Variants in CCDC91 observed in about 807,000 individuals in gnomAD.
The protein encoded by CCDC91 is coiled-coil domain-containing protein 91.
In CCDC91, 48 loss-of-function variants were observed where a neutral mutation model predicts 63.2. The observed-to-expected ratio is 0.76, with a 90% CI of 0.60 to 0.97. The LOEUF is 0.97. Among genes scored for constraint, CCDC91 ranks in the 50% least tolerant of loss-of-function variants. CCDC91 has a pLI of 0.00. For missense variants in CCDC91, 500 were observed against 494.6 expected (o/e 1.01, Z -0.10); for synonymous variants, 167 against 165.8 (o/e 1.01, Z -0.06).
At chr12:28,498,022 A>G (rs1314581997) in intron 12 of CCDC91, among the ~76,000 whole-genome samples, 1 of 151,598 alleles carries the variant, frequency 6.6e-6, no homozygotes, top group East Asian at 1.9e-4. Context: ...AACTAAACAA[A>G]CATGCCCTCT....
Position 28,486,010 on chromosome 12 carries a change from C to T in CCDC91, c.1215+1845C>T, listed in dbSNP as rs545756059. ...GTAAGAACACTTAACATGAGTTCTT[C>T]CTCTTAAAATTTTAAGTCTATAATA... On this transcript the variant is annotated intron_variant, in intron 12 of 12. Coordinates refer to ENST00000536442, the MANE Select transcript of CCDC91 (RefSeq NM_018318.5). Among the ~76,000 whole-genome samples, 9 of 152,172 alleles carry T rather than the reference C, an allele frequency of 5.9e-5. 1 individual carries two copies. The South Asian group carries it at 1.2e-3, about 21-fold the overall frequency.
intron 6 of CCDC91, among the ~76,000 whole-genome samples, chr12:28,353,791 G>A (rs1408418446): frequency 6.6e-6 from 1 of 152,066 alleles, no homozygotes; most frequent in African/African-American, 2.4e-5. Flanking sequence ...TTGAAATATT[G>A]TTACAATTAC....
At chr12:28,209,167 C>T (rs1020008898) in intron 1 of CCDC91, among the ~76,000 whole-genome samples, 1 of 152,102 alleles carries the variant, frequency 6.6e-6, no homozygotes, top group Non-Finnish European at 1.5e-5. Context: ...TTCACCCTTG[C>T]ATTAGTCTAC....
At chr12:28,304,751 G>T (rs1361986019) in intron 3 of CCDC91, 1 of 734,408 alleles carries the variant, frequency 1.4e-6, no homozygotes, top group African/African-American at 1.9e-5. Context: ...TAAATGGGCT[G>T]CACCAAAAAG....
At chr12:28,499,128 T>C (rs1382076250) in intron 12 of CCDC91, among the ~76,000 whole-genome samples, 1 of 151,630 alleles carries the variant, frequency 6.6e-6, no homozygotes, top group Non-Finnish European at 1.5e-5. Flanking sequence ...CTTGAGTTAT[T>C]TCAAGTCTTC....
chr12:28,275,155 C>T (rs1408404390), intron 3 of CCDC91, among the ~76,000 whole-genome samples: 1 of 151,892 alleles, frequency 6.6e-6, no homozygotes, highest in Non-Finnish European at 1.5e-5. Flanking sequence ...CACAAAAAAC[C>T]CTTCAAAAAA....
intron 1 of CCDC91, chr12:28,225,750 C>T (rs1024234450): frequency 3.3e-5 from 5 of 152,360 alleles, no homozygotes; most frequent in African/African-American, 1.2e-4. Flanking sequence ...AACCACCACG[C>T]CCAGCCTCCC....
At chr12:28,225,221 T>C (rs746606072) in intron 1 of CCDC91, among the ~76,000 whole-genome samples, 4 of 152,198 alleles carry the variant, frequency 2.6e-5, no homozygotes, top group South Asian at 4.1e-4. Context: ...AGAAAACTTA[T>C]AAATTCTTGT....
At chr12:28,440,381 C>T (rs73085949) in intron 8 of CCDC91, among the ~76,000 whole-genome samples, 7,358 of 152,140 alleles carry the variant, frequency 0.048, 230 homozygotes, top group Non-Finnish European at 0.074. Flanking sequence ...TAACCCAGTT[C>T]GTATACAAAC....
In CCDC91 at chr12:28,549,315, A is replaced by G. The variant is rs888657848; in HGVS notation, c.*142A>G. 27 of 524,398 alleles carry G rather than the reference A, an allele frequency of 5.1e-5. No homozygotes were observed. Among genetic ancestry groups the G allele is most frequent in the Non-Finnish European group, 7.7e-5 (22 of 286,512 alleles). The allele number at this position is 524,398 out of a possible 1,614,324, so 32.5% of individuals were successfully genotyped here. On this transcript the variant is annotated 3_prime_UTR_variant, in exon 13 of 13. Coordinates refer to ENST00000536442, the MANE Select transcript of CCDC91 (RefSeq NM_018318.5). ...CAGTTCAAGGATAAACCAAAACAAT[A>G]TTTAGAACTATCAAGTGATCTAATT...
At chr12:28,202,203 C>G (rs1359741629) in intron 1 of CCDC91, among the ~76,000 whole-genome samples, 2 of 152,124 alleles carry the variant, frequency 1.3e-5, no homozygotes, top group Non-Finnish European at 2.9e-5. Flanking sequence ...GAAACTGTAT[C>G]TAAGAAAATA....
chr12:28,287,866 C>A (rs1949005984), intron 3 of CCDC91, among the ~76,000 whole-genome samples: 1 of 152,088 alleles, frequency 6.6e-6, no homozygotes, highest in Non-Finnish European at 1.5e-5. Flanking sequence ...TTTGTGTTAT[C>A]TCTGATTTCT....
intron 8 of CCDC91, among the ~76,000 whole-genome samples, chr12:28,418,559 A>G (rs2139860094): frequency 6.6e-6 from 1 of 152,218 alleles, no homozygotes; most frequent in African/African-American, 2.4e-5. Context: ...ATTGGGATAT[A>G]ATCTCAAAGC....
At chr12:28,298,398 GC>G (rs1210705718) in intron 3 of CCDC91, among the ~76,000 whole-genome samples, 2 of 146,678 alleles carry the variant, frequency 1.4e-5, no homozygotes, top group Non-Finnish European at 3.0e-5. Flanking sequence ...AAGCTAGTTG[GC>G]CCCTATTAGT....
chr12:28,219,468 AT>A (rs752030088), intron 1 of CCDC91, among the ~76,000 whole-genome samples: 4,193 of 121,572 alleles, frequency 0.034, 45 homozygotes, highest in African/African-American at 0.093. Context: ...CAGTGTAACC[AT>A]TTTTTTTTTT....
intron 7 of CCDC91, 67 bp downstream of exon 7, chr12:28,362,582 G>C: frequency 1.1e-6 from 1 of 938,082 alleles, no homozygotes; most frequent in South Asian, 1.6e-5. Flanking sequence ...TACACATGTA[G>C]GTATGTGCAA....
intron 12 of CCDC91, among the ~76,000 whole-genome samples, chr12:28,508,364 C>T (rs2141246075): frequency 6.6e-6 from 1 of 151,812 alleles, no homozygotes; most frequent in South Asian, 2.1e-4. Context: ...CTTGGTTGAA[C>T]TCTTGTTCTA....
intron 1 of CCDC91, among the ~76,000 whole-genome samples, chr12:28,194,490 G>A (rs575027635): frequency 1.3e-5 from 2 of 152,286 alleles, no homozygotes; most frequent in East Asian, 3.9e-4. Context: ...CTTCTGGTGG[G>A]TCCATGGTCT....
At chr12:28,269,921 A>G (rs1474910199) in intron 3 of CCDC91, among the ~76,000 whole-genome samples, 2 of 151,980 alleles carry the variant, frequency 1.3e-5, no homozygotes, top group Non-Finnish European at 2.9e-5. Context: ...TTTAGTCCCA[A>G]TTCTGATTTT....
Sources: gnomAD v4.1 joint callset for allele counts (sites outside exome capture counted in the v4.1 genomes callset) on GRCh38, gnomAD v4.1.1 for gene constraint, MANE v1.5 for transcripts, NCBI Gene and HGNC (gene_info 2026-07-23, HGNC 2026-07-21) for gene names.